PPP5C: variants seen among roughly 807,000 people sequenced by gnomAD.
The protein encoded by PPP5C is protein phosphatase 5 catalytic subunit.
Under a neutral mutation model 66.7 loss-of-function variants are expected in PPP5C, and 21 were observed. The ratio of observed to expected loss-of-function variants is 0.31; its 90% confidence interval spans 0.22 to 0.45. The LOEUF (loss-of-function observed/expected upper bound fraction) is 0.45. Ranked by LOEUF, PPP5C falls within the 20% of genes least tolerant of loss-of-function variation. The pLI is 1.00. For synonymous variants in PPP5C, 246 were observed against 257.4 expected, an observed-to-expected ratio of 0.96 and a Z score of 0.43; for missense variants, 464 against 675.9, an observed-to-expected ratio of 0.69 and a Z score of 3.48.
chr19:46,357,480 T>A (rs1325334717), intron 2 of PPP5C, among the ~76,000 whole-genome samples: 2 of 152,212 alleles, frequency 1.3e-5, no homozygotes, highest in East Asian at 3.9e-4. Flanking sequence ...ACCAGCTGGG[T>A]GTTCTCTTAT....
rs547629647 is a variant in PPP5C at position 46,388,912 on chromosome 19, G to A, written c.1355+181G>A. On this transcript the variant is annotated intron_variant, in intron 11 of 12. Transcript: ENST00000012443. This position sits in a 1 kb window ranked among gnomAD's most constrained non-coding sequence, Gnocchi z 4.9. ...GCACCAGTGGGGCCAGCCTGTGAGTGCTGACCAGCTGCCCTGTGTTACAGC... is the reference window on the plus strand; with the variant it reads ...GCACCAGTGGGGCCAGCCTGTGAGTACTGACCAGCTGCCCTGTGTTACAGC... 2.0e-4 allele frequency among the ~76,000 whole-genome samples: 31 copies of A among 152,274 alleles called. No homozygotes were observed. The South Asian group carries it at 5.4e-3, about 27-fold the overall frequency.
intron 2 of PPP5C, among the ~76,000 whole-genome samples, chr19:46,354,931 G>T (rs1247655969): frequency 6.6e-6 from 1 of 152,224 alleles, no homozygotes; most frequent in African/African-American, 2.4e-5. Context: ...AAATCCTGAC[G>T]GTATGAGGCT....
chr19:46,384,115 C>T (rs757090895), intron 6 of PPP5C: 67 of 541,476 alleles, frequency 1.2e-4, no homozygotes, highest in Non-Finnish European at 1.8e-4. Context: ...GCTGGTAGCT[C>T]AGTCTCTCTG....
At chr19:46,362,929 A>G (rs1972416528) in intron 2 of PPP5C, among the ~76,000 whole-genome samples, 1 of 149,958 alleles carries the variant, frequency 6.7e-6, no homozygotes, top group South Asian at 2.1e-4. Flanking sequence ...CTGGGACTAC[A>G]GGCGCCCGCC....
In PPP5C at chr19:46,363,831, C is replaced by T. The variant is rs574324714; in HGVS notation, c.363+9842C>T. On this transcript the variant is annotated intron_variant, in intron 2 of 12. Coordinates refer to ENST00000012443, the MANE Select transcript of PPP5C (RefSeq NM_006247.4). ...AGACATAACATATATGTAGACACAA[C>T]ATATAGCACACATGTACACATGTAT... 1.2e-4 allele frequency among the ~76,000 whole-genome samples: 18 copies of T among 152,254 alleles called. 1 individual carries two copies. In the South Asian group the frequency reaches 3.5e-3, roughly 30 times the overall value.
At position 46,383,199 on chromosome 19, in the gene PPP5C, A is replaced by G. The variant is rs764622889; in HGVS notation, c.634-212A>G. ...TCAGGTTTTCGTACAAAACAATCGC[A>G]ATGCTTCGGCACTGCACAGGCCACA... On this transcript the variant is annotated intron_variant, in intron 4 of 12. Coordinates refer to ENST00000012443, the MANE Select transcript of PPP5C (RefSeq NM_006247.4). The surrounding 1 kb of genome is among the most constrained non-coding windows in gnomAD (Gnocchi z 5.0). The G allele has an allele frequency of 6.6e-7, 1 of 1,509,664 alleles. No homozygotes were observed. The highest frequency in any genetic ancestry group is 1.2e-5 in the South Asian group (1 of 81,828). 93.5% of individuals were successfully genotyped at this position (1,509,664 alleles called of 1,614,324 possible).
chr19:46,379,605 T>C (rs1018959859), intron 4 of PPP5C, among the ~76,000 whole-genome samples: 1 of 152,256 alleles, frequency 6.6e-6, no homozygotes, highest in Non-Finnish European at 1.5e-5. Context: ...ATTTGTTTTT[T>C]TCCCCCTTGT....
chr19:46,383,628 C>A lies in PPP5C; in HGVS notation c.699+152C>A. 1 of 1,034,318 alleles carries A rather than the reference C, an allele frequency of 9.7e-7. No individual in the cohort carries two copies. The highest frequency in any genetic ancestry group is 2.4e-5 in the Admixed American group (1 of 41,740). 64.1% of individuals were successfully genotyped at this position (1,034,318 alleles called of 1,614,324 possible). A position where few individuals can be genotyped will look rare whatever the true frequency, so the allele number is the denominator to read the frequency against. ...TCCTCCTGAATATCCCATTTCTCTCCTGGCCTCTTGGTCTTCGTTTGTGTT... is the reference window on the plus strand; with the variant it reads ...TCCTCCTGAATATCCCATTTCTCTCATGGCCTCTTGGTCTTCGTTTGTGTT... On this transcript the variant is annotated intron_variant, in intron 5 of 12. Transcript: ENST00000012443. This position sits in a 1 kb window ranked among gnomAD's most constrained non-coding sequence, Gnocchi z 5.0.
At chr19:46,349,432 G>A (rs1011467755) in intron 1 of PPP5C, among the ~76,000 whole-genome samples, 5 of 152,162 alleles carry the variant, frequency 3.3e-5, no homozygotes, top group African/African-American at 7.2e-5. Context: ...TGGAGAAGGC[G>A]GAGGTGGGAA....
chr19:46,347,282 A>G, intron 1 of PPP5C, 65 bp downstream of exon 1: 1 of 1,510,724 alleles, frequency 6.6e-7, no homozygotes, highest in African/African-American at 1.4e-5. Context: ...CCCGCGCGGA[A>G]CCATAGCAAC....
Position 46,390,538 on chromosome 19 carries a change from C to T in PPP5C, c.*192C>T. 2.8e-6 allele frequency: 4 copies of T among 1,429,174 alleles called. No homozygotes were observed. Among genetic ancestry groups the T allele is most frequent in the Non-Finnish European group, 3.7e-6 (4 of 1,091,760 alleles). 88.5% of individuals were successfully genotyped at this position (1,429,174 alleles called of 1,614,324 possible). A position where few individuals can be genotyped will look rare whatever the true frequency, so the allele number is the denominator to read the frequency against. On this transcript the variant is annotated 3_prime_UTR_variant, in exon 13 of 13. Transcript: ENST00000012443. ...AGTCAGGGGCTGGCCAGAGGGTCTG[C>T]TCCCTGGACAGAGAGGAAGGAGGTG...
intron 2 of PPP5C, among the ~76,000 whole-genome samples, chr19:46,366,299 T>C (rs1300944134): frequency 6.6e-6 from 1 of 152,052 alleles, no homozygotes; most frequent in African/African-American, 2.4e-5. Flanking sequence ...TGGAAACACT[T>C]TAAGTTACCT....
intron 2 of PPP5C, among the ~76,000 whole-genome samples, chr19:46,364,178 G>T (rs1972452648): frequency 6.6e-6 from 1 of 152,116 alleles, no homozygotes; most frequent in African/African-American, 2.4e-5. Context: ...AAATCAGAGA[G>T]AACAGAGGCA....
At chr19:46,389,365 ACACACACACACACACACAC>A (rs1568579811) in intron 11 of PPP5C, among the ~76,000 whole-genome samples, 2 of 1,720 alleles carry the variant, frequency 1.2e-3, no homozygotes, top group East Asian at 0.028. Context: ...ATCTCAAAAC[ACACACACACACACACACAC>A]ACACACACAC....
Position 46,390,948 on chromosome 19 carries a change from GC to G in PPP5C, c.*604del, listed in dbSNP as rs1474349715. On this transcript the variant is annotated 3_prime_UTR_variant, in exon 13 of 13. Transcript: ENST00000012443. ...GTGGGGAGGCCGCAAAGTCCCGCTG[GC>G]CGGGCCCACCCAGCTCTGGGCTGAC... 2.5e-6 allele frequency: 3 copies of G among 1,179,204 alleles called. No homozygotes were observed. The East Asian group carries it at 1.8e-4, about 70-fold the overall frequency. The allele number at this position is 1,179,204 out of a possible 1,614,324, so 73.0% of individuals were successfully genotyped here.
chr19:46,390,235 A>G (rs753119008), intron 12 of PPP5C, 49 bp from the exon 13 acceptor site: 9 of 1,600,466 alleles, frequency 5.6e-6, no homozygotes, highest in Non-Finnish European at 7.7e-6. Context: ...GTGGGTGCTC[A>G]GGGGCTCTGT....
At chr19:46,385,695 G>A (rs1287592775) in intron 7 of PPP5C, among the ~76,000 whole-genome samples, 2 of 151,536 alleles carry the variant, frequency 1.3e-5, no homozygotes, top group African/African-American at 4.9e-5. Flanking sequence ...CAGGAGAATC[G>A]CTTGAACCCA....
chr19:46,379,274 G>A (rs1246185686), intron 4 of PPP5C, among the ~76,000 whole-genome samples: 3 of 151,986 alleles, frequency 2.0e-5, no homozygotes, highest in Non-Finnish European at 4.4e-5. Flanking sequence ...GGATGGCCTC[G>A]ATCTCTTGAC....
chr19:46,353,783 C>T lies in PPP5C; in HGVS notation c.157C>T (p.Gln53Ter), dbSNP rs1224913770. 6.2e-7 allele frequency: 1 copy of T among 1,614,152 alleles called. No homozygotes were observed. Among genetic ancestry groups the T allele is most frequent in the Non-Finnish European group, 8.5e-7 (1 of 1,180,028 alleles). ...CGAGAACGCCATCAAGTTCTACAGC[C>T]AGGCCATCGAGCTGAACCCCAGCAA... ...DYENAIKFYS[Q>*]AIELNPSNAI... The change falls in exon 2 of 13, where the codon CAG becomes TAG. Residue 53 changes from glutamine (Q) to a stop codon, truncating the protein, a stop_gained. Coordinates refer to ENST00000012443, the MANE Select transcript of PPP5C (RefSeq NM_006247.4). LOFTEE classifies it high-confidence loss of function.
Sources: gnomAD v4.1 joint callset for allele counts (sites outside exome capture counted in the v4.1 genomes callset) on GRCh38, gnomAD v4.1.1 for gene constraint, Gnocchi (gnomAD v3.1) non-coding constraint, MANE v1.5 for transcripts, NCBI Gene and HGNC (gene_info 2026-07-23, HGNC 2026-07-21) for gene names.